FEM1C: variants seen among roughly 807,000 people sequenced by gnomAD.
FEM1C encodes protein fem-1 homolog C.
A neutral mutation model predicts 37.6 loss-of-function variants in FEM1C; 15 were observed. That is an observed-to-expected ratio of 0.40 (90% CI 0.27 to 0.61). FEM1C has a LOEUF of 0.61. Among genes scored for constraint, FEM1C ranks in the 20% least tolerant of loss-of-function variants. The pLI is 0.42. For synonymous variants in FEM1C, 287 were observed against 272.8 expected (o/e 1.05, Z -0.51); for missense variants, 532 against 749.7 (o/e 0.71, Z 3.39).
intron 2 of FEM1C, among the ~76,000 whole-genome samples, chr5:115,527,776 G>A (rs1371503482): frequency 1.3e-5 from 2 of 152,102 alleles, no homozygotes; most frequent in Non-Finnish European, 2.9e-5. Context: ...GCTGAGGTGG[G>A]CAGATTATGA....
At chr5:115,526,787 G>A (rs959412983) in intron 2 of FEM1C, among the ~76,000 whole-genome samples, 1 of 152,082 alleles carries the variant, frequency 6.6e-6, no homozygotes, top group Non-Finnish European at 1.5e-5. Context: ...GAACTTGGCT[G>A]GTAAATAGTT....
chr5:115,543,260 G>A lies in FEM1C; in HGVS notation c.234C>T (p.Gly78=), dbSNP rs1364924202. ...AAGGGGGAGCCCCCTCAATGGTTTC[G>A]CCATCAAAATTGACGGAGCCCCCAA... The part of the protein sequence containing the change: ...IEVGGSVNFD[G]ETIEGAPPLW... The change falls in exon 2 of 3, where the codon GGC becomes GGT. Residue 78 remains glycine (G), a synonymous_variant. Coordinates refer to ENST00000274457, the MANE Select transcript of FEM1C (RefSeq NM_020177.3). 9 of 1,613,970 alleles carry A rather than the reference G, an allele frequency of 5.6e-6. No individual in the cohort carries two copies. The highest frequency in any genetic ancestry group is 1.7e-5 in the Admixed American group (1 of 60,000).
chr5:115,522,031 G>A lies in FEM1C; in HGVS notation c.*2277C>T, dbSNP rs999431327. ...TACTGGTGCAAAAATGCTATTTAAA[G>A]AAATCCTTACTTTACACAGGAGTTG... On this transcript the variant is annotated 3_prime_UTR_variant, in exon 3 of 3. Coordinates refer to ENST00000274457, the MANE Select transcript of FEM1C (RefSeq NM_020177.3). 1.3e-5 allele frequency: 2 copies of A among 151,760 alleles called. No individual in the cohort carries two copies. The highest frequency in any genetic ancestry group is 1.3e-4 in the Admixed American group (2 of 15,192). The allele number at this position is 151,760 out of a possible 1,614,324, so 9.4% of individuals were successfully genotyped here.
chr5:115,531,594 C>T (rs973641103), intron 2 of FEM1C, among the ~76,000 whole-genome samples: 2 of 152,034 alleles, frequency 1.3e-5, no homozygotes, highest in African/African-American at 2.4e-5. Context: ...TTTTAGGTTT[C>T]TAGACTATAA....
intron 2 of FEM1C, among the ~76,000 whole-genome samples, chr5:115,537,398 G>A (rs1189620335): frequency 6.6e-6 from 1 of 152,036 alleles, no homozygotes; most frequent in African/African-American, 2.4e-5. Context: ...AACAGCAGTA[G>A]TGCTCAGGAT....
Position 115,524,037 on chromosome 5 carries a change from C to A in FEM1C, c.*271G>T, listed in dbSNP as rs1753829367. 5.9e-6 allele frequency: 2 copies of A among 337,576 alleles called. No individual in the cohort carries two copies. The highest frequency in any genetic ancestry group is 4.5e-5 in the South Asian group (1 of 22,388). The allele number at this position is 337,576 out of a possible 1,614,324, so 20.9% of individuals were successfully genotyped here. ...TCTGCCCCAAACACCCAACAGCAAA[C>A]AAAACCAGAATGAATAAGCCTTTGG... On this transcript the variant is annotated 3_prime_UTR_variant, in exon 3 of 3. Transcript: ENST00000274457.
intron 2 of FEM1C, among the ~76,000 whole-genome samples, chr5:115,539,904 T>A (rs973910895): frequency 2.6e-5 from 4 of 152,056 alleles, no homozygotes; most frequent in African/African-American, 9.7e-5. Context: ...AGAGGTTAAA[T>A]AACATGTTCA....
At chr5:115,537,199 G>T (rs759488668) in intron 2 of FEM1C, among the ~76,000 whole-genome samples, 1 of 151,896 alleles carries the variant, frequency 6.6e-6, no homozygotes, top group African/African-American at 2.4e-5. Context: ...CATTCCTGCT[G>T]CCTCAACAGC....
chr5:115,542,750 G>C (rs1326005907), intron 2 of FEM1C, among the ~76,000 whole-genome samples, 200 bp downstream of exon 2: 1 of 152,160 alleles, frequency 6.6e-6, no homozygotes, highest in Non-Finnish European at 1.5e-5. Context: ...GCTTAACAGA[G>C]TAACAGAAGT....
intron 2 of FEM1C, among the ~76,000 whole-genome samples, chr5:115,540,318 T>C (rs958662217): frequency 6.6e-6 from 1 of 152,062 alleles, no homozygotes; most frequent in African/African-American, 2.4e-5. Flanking sequence ...GAAGAATCAC[T>C]ATGGAAATTA....
At chr5:115,544,072 C>T (rs969847610) in intron 1 of FEM1C, 1 of 985,220 alleles carries the variant, frequency 1.0e-6, no homozygotes, top group African/African-American at 1.7e-5. Context: ...GGAGAGCTGG[C>T]CAAGGGCGCC....
In FEM1C at chr5:115,523,796, T is replaced by C. The variant is rs1166844309; in HGVS notation, c.*512A>G. ...CTGTGCATAGAGAAGATAAAGCACT[T>C]ATGGTAACTGCAAATGGTAACGAGT... On this transcript the variant is annotated 3_prime_UTR_variant, in exon 3 of 3. Transcript: ENST00000274457. 6.4e-6 allele frequency: 1 copy of C among 155,250 alleles called. No individual in the cohort carries two copies. The highest frequency in any genetic ancestry group is 1.9e-4 in the East Asian group (1 of 5,216). The allele number at this position is 155,250 out of a possible 1,614,324, so 9.6% of individuals were successfully genotyped here. A position where few individuals can be genotyped will look rare whatever the true frequency, so the allele number is the denominator to read the frequency against.
intron 2 of FEM1C, among the ~76,000 whole-genome samples, chr5:115,537,354 A>G (rs72817110): frequency 1.3e-4 from 20 of 152,186 alleles, no homozygotes; most frequent in Admixed American, 2.6e-4. Context: ...CGTAACTTCT[A>G]TCTTAAGCTC....
rs1753785339 is a variant in FEM1C at position 115,521,984 on chromosome 5, T to G, written c.*2324A>C. Reference sequence around the variant, plus strand: ...AATAAGTCATTTCAGTTATCAAGACTGAGTTCTAAGTTATCTATTTTTACT... The same window carrying G: ...AATAAGTCATTTCAGTTATCAAGACGGAGTTCTAAGTTATCTATTTTTACT... On this transcript the variant is annotated 3_prime_UTR_variant, in exon 3 of 3. Coordinates refer to ENST00000274457, the MANE Select transcript of FEM1C (RefSeq NM_020177.3). The G allele has an allele frequency of 1.3e-5, 2 of 151,852 alleles. No homozygotes were observed. The highest frequency in any genetic ancestry group is 4.1e-4 in the South Asian group (2 of 4,824). The allele number at this position is 151,852 out of a possible 1,614,324, so 9.4% of individuals were successfully genotyped here.
In FEM1C at chr5:115,521,771, T is replaced by A. The variant is rs549946214; in HGVS notation, c.*2537A>T. The A allele has an allele frequency of 6.6e-6, 1 of 152,014 alleles. No individual in the cohort carries two copies. Among genetic ancestry groups the A allele is most frequent in the East Asian group, 1.9e-4 (1 of 5,174 alleles). 9.4% of individuals were successfully genotyped at this position (152,014 alleles called of 1,614,324 possible). On this transcript the variant is annotated 3_prime_UTR_variant, in exon 3 of 3. Transcript: ENST00000274457. ...TAACACAAATTTAAGTATTTTATTA[T>A]AATCCATCTCATAATTGTGAGAATA... is the stretch of plus-strand genomic sequence containing the variant.
rs527593680 is a variant in FEM1C at position 115,530,775 on chromosome 5, G to C, written c.545-5158C>G. Among the ~76,000 whole-genome samples the C allele has an allele frequency of 1.9e-3, 284 of 152,190 alleles. 2 individuals carry two copies. The highest frequency in any genetic ancestry group is 0.017 in the South Asian group (82 of 4,826). ...ATACTCACTTGCTTCGTCGGTCAAAGAAGCAAGCCCAATGAAAATCAGAAA... is the reference window on the plus strand; with the variant it reads ...ATACTCACTTGCTTCGTCGGTCAAACAAGCAAGCCCAATGAAAATCAGAAA... On this transcript the variant is annotated intron_variant, in intron 2 of 2. Transcript: ENST00000274457.
chr5:115,542,180 G>C (rs1413637776), intron 2 of FEM1C, among the ~76,000 whole-genome samples: 2 of 152,080 alleles, frequency 1.3e-5, no homozygotes, highest in Non-Finnish European at 2.9e-5. Context: ...ACTACTTTTT[G>C]CTGCTTTTAG....
At chr5:115,527,047 C>T (rs1375988750) in intron 2 of FEM1C, among the ~76,000 whole-genome samples, 2 of 151,984 alleles carry the variant, frequency 1.3e-5, no homozygotes, top group Admixed American at 1.3e-4. Flanking sequence ...GAAGAATATG[C>T]TCTATGTGAC....
chr5:115,540,492 C>G (rs924621160), intron 2 of FEM1C, among the ~76,000 whole-genome samples: 6 of 151,728 alleles, frequency 4.0e-5, no homozygotes, highest in African/African-American at 1.5e-4. Flanking sequence ...GATACTGATA[C>G]TGGGGAAAAA....
Sources: allele counts gnomAD v4.1 joint callset (sites outside exome capture counted in the v4.1 genomes callset), GRCh38; gene constraint gnomAD v4.1.1; transcripts MANE v1.5; gene names NCBI Gene and HGNC (gene_info 2026-07-23, HGNC 2026-07-21).